The following LDLRAD3 variants were observed in gnomAD, a reference collection of about 807,000 sequenced individuals.
LDLRAD3 encodes the protein low density lipoprotein receptor class A domain containing 3.
Under a neutral mutation model 29.4 loss-of-function variants are expected in LDLRAD3, and 20 were observed. That is an observed-to-expected ratio of 0.68 (90% CI 0.48 to 0.99). The LOEUF is 0.99. Among genes scored for constraint, LDLRAD3 ranks in the 50% least tolerant of loss-of-function variants. LDLRAD3 has a pLI of 0.00. For missense variants in LDLRAD3, 420 were observed against 454.3 expected (o/e 0.92, Z 0.69); for synonymous variants, 157 against 192.7 (o/e 0.81, Z 1.53).
chr11:36,073,940 T>C (rs1470218991), intron 2 of LDLRAD3, among the ~76,000 whole-genome samples: 1 of 152,224 alleles, frequency 6.6e-6, no homozygotes, highest in Non-Finnish European at 1.5e-5. Flanking sequence ...CTTTGTTTAT[T>C]AGCAGTGTCA....
intron 1 of LDLRAD3, among the ~76,000 whole-genome samples, chr11:35,986,989 C>G (rs1851623202): frequency 6.6e-6 from 1 of 152,206 alleles, no homozygotes; most frequent in Non-Finnish European, 1.5e-5. Flanking sequence ...TCACACTTTT[C>G]TCAGCACTCA....
chr11:36,041,454 A>G (rs1852380561), intron 2 of LDLRAD3, among the ~76,000 whole-genome samples: 1 of 152,222 alleles, frequency 6.6e-6, no homozygotes, highest in African/African-American at 2.4e-5. Flanking sequence ...GCTGAAATGG[A>G]ATCTTACTGC....
chr11:36,181,854 G>A (rs1854768598), intron 4 of LDLRAD3, among the ~76,000 whole-genome samples: 1 of 152,154 alleles, frequency 6.6e-6, no homozygotes, highest in Non-Finnish European at 1.5e-5. Context: ...TGAGAGGATG[G>A]AAGTCAGTTG....
chr11:36,111,941 G>T (rs1853612136), intron 4 of LDLRAD3, among the ~76,000 whole-genome samples: 1 of 152,196 alleles, frequency 6.6e-6, no homozygotes, highest in Non-Finnish European at 1.5e-5. Context: ...GCCTCTAAAT[G>T]ACACTTACCC....
chr11:36,188,274 AC>A (rs1854884286), intron 4 of LDLRAD3, among the ~76,000 whole-genome samples: 1 of 150,802 alleles, frequency 6.6e-6, no homozygotes, highest in African/African-American at 2.4e-5. Flanking sequence ...TAAAGTGGTA[AC>A]TTGAATACTC....
At chr11:36,021,240 C>T (rs1285956789) in intron 1 of LDLRAD3, among the ~76,000 whole-genome samples, 2 of 152,180 alleles carry the variant, frequency 1.3e-5, no homozygotes, top group South Asian at 4.2e-4. Flanking sequence ...AAGTTATCAC[C>T]GTGAAGGTCC....
chr11:36,186,070 G>A (rs6416084), intron 4 of LDLRAD3, among the ~76,000 whole-genome samples: 117,484 of 152,148 alleles, frequency 0.77, 45,507 homozygotes, highest in Middle Eastern at 0.84. Context: ...GAGAGAAAGT[G>A]TAGTATAGCC....
At chr11:35,983,688 T>C (rs1306912648) in intron 1 of LDLRAD3, among the ~76,000 whole-genome samples, 15 of 152,340 alleles carry the variant, frequency 9.8e-5, no homozygotes, top group African/African-American at 3.6e-4. Flanking sequence ...TGGAGTGTAG[T>C]GGTGCGATCT....
chr11:35,956,954 C>T (rs529076296), intron 1 of LDLRAD3, among the ~76,000 whole-genome samples: 2 of 152,308 alleles, frequency 1.3e-5, no homozygotes, highest in Admixed American at 1.3e-4. Flanking sequence ...CCAGGATGAT[C>T]TCGATCTCCT....
intron 4 of LDLRAD3, among the ~76,000 whole-genome samples, chr11:36,177,260 T>G (rs1412241089): frequency 6.6e-6 from 1 of 152,234 alleles, no homozygotes; most frequent in African/African-American, 2.4e-5. Flanking sequence ...GTTTTCACCT[T>G]TCTCTGGTGC....
intron 4 of LDLRAD3, among the ~76,000 whole-genome samples, chr11:36,110,306 G>T (rs1349129164): frequency 6.6e-6 from 1 of 152,140 alleles, no homozygotes; most frequent in African/African-American, 2.4e-5. Flanking sequence ...ATTTCTTTCA[G>T]GTGCAGGTTT....
chr11:36,178,443 C>G (rs1222951450), intron 4 of LDLRAD3, among the ~76,000 whole-genome samples: 1 of 152,150 alleles, frequency 6.6e-6, no homozygotes, highest in African/African-American at 2.4e-5. Context: ...CGTCGTACGC[C>G]AAATCCATCC....
At chr11:36,227,519 G>T in intron 5 of LDLRAD3, 89 bp downstream of exon 5, 2 of 1,032,700 alleles carry the variant, frequency 1.9e-6, no homozygotes, top group Non-Finnish European at 2.7e-6. Context: ...CTTAGGTCTT[G>T]CCAAGAGCCT....
chr11:36,186,515 G>A (rs1854851503), intron 4 of LDLRAD3, among the ~76,000 whole-genome samples: 1 of 152,180 alleles, frequency 6.6e-6, no homozygotes, highest in Non-Finnish European at 1.5e-5. Flanking sequence ...ATTCTTGCCA[G>A]ACTGATTGCA....
In LDLRAD3 at chr11:36,030,435, A is replaced by AGTGTGTGT. The variant is rs3080139; in HGVS notation, c.47-5635_47-5628dup. Among the ~76,000 whole-genome samples, 7 of 147,806 alleles carry AGTGTGTGT rather than the reference A, an allele frequency of 4.7e-5. No individual in the cohort carries two copies. The South Asian group carries it at 1.6e-3, about 33-fold the overall frequency. On this transcript the variant is annotated intron_variant, in intron 1 of 5. Coordinates refer to ENST00000315571, the MANE Select transcript of LDLRAD3 (RefSeq NM_174902.4). The stretch of plus-strand genomic sequence containing the variant: ...CTCACTGGCCTGTGCCTGTGCATGG[A>AGTGTGTGT]GTGTGTGTGTGTGTGTGTGTGTGTG...
intron 4 of LDLRAD3, among the ~76,000 whole-genome samples, chr11:36,160,686 A>G (rs1160564040): frequency 1.3e-5 from 2 of 151,782 alleles, no homozygotes; most frequent in East Asian, 1.9e-4. Flanking sequence ...ATTGGTTTTC[A>G]GTTTTAAAAA....
Position 36,228,309 on chromosome 11 carries a change from T to C in LDLRAD3, c.801-851T>C, listed in dbSNP as rs1188174947. Among the ~76,000 whole-genome samples the C allele has an allele frequency of 2.6e-5, 4 of 152,322 alleles. No individual in the cohort carries two copies. In the East Asian group the frequency reaches 7.7e-4, roughly 29 times the overall value. ...AGAGGATGGCGCTTAAGGATCTCTT[T>C]GCAAATAAGTGTAAGAATTCAGGAC... On this transcript the variant is annotated intron_variant, in intron 5 of 5. Transcript: ENST00000315571.
At chr11:36,194,102 G>A (rs1285342478) in intron 4 of LDLRAD3, among the ~76,000 whole-genome samples, 3 of 152,142 alleles carry the variant, frequency 2.0e-5, no homozygotes, top group African/African-American at 4.8e-5. Flanking sequence ...TGTTTCATTT[G>A]TGCATGGTTT....
At chr11:36,092,891 G>A (rs1270802249) in intron 3 of LDLRAD3, among the ~76,000 whole-genome samples, 2 of 152,184 alleles carry the variant, frequency 1.3e-5, no homozygotes, top group African/African-American at 2.4e-5. Flanking sequence ...TTTTTCTGTG[G>A]CTTGCTGCTA....
Sources: allele counts gnomAD v4.1 joint callset (sites outside exome capture counted in the v4.1 genomes callset), GRCh38; gene constraint gnomAD v4.1.1; transcripts MANE v1.5; gene names NCBI Gene and HGNC (gene_info 2026-07-23, HGNC 2026-07-21).